LAMA1: variants seen among roughly 807,000 people sequenced by gnomAD.
The protein encoded by LAMA1 is laminin subunit alpha-1.
LAMA1 carries 219 observed loss-of-function variants against 348.7 expected under a neutral mutation model. The ratio of observed to expected loss-of-function variants is 0.63; its 90% CI spans 0.56 to 0.70. The LOEUF (loss-of-function observed/expected upper bound fraction) is 0.70, where lower values mean the gene tolerates loss of function less well. Ranked by LOEUF, LAMA1 falls within the 30% of genes least tolerant of loss-of-function variation. The pLI is 0.00. For synonymous variants in LAMA1, 1,487 were observed against 1,491.0 expected (o/e 1.00, Z 0.06); for missense variants, 3,744 against 3,888.0 (o/e 0.96, Z 0.99).
At chr18:6,950,600 G>C (rs550155740) in intron 58 of LAMA1, among the ~76,000 whole-genome samples, 182 bp downstream of exon 58, 27 of 152,248 alleles carry the variant, frequency 1.8e-4, no homozygotes, top group African/African-American at 6.5e-4. Flanking sequence ...AAGGCCCTGG[G>C]GATATTTCGG....
At chr18:7,077,609 T>C (rs566638754) in intron 3 of LAMA1, among the ~76,000 whole-genome samples, 39 of 152,166 alleles carry the variant, frequency 2.6e-4, no homozygotes, top group African/African-American at 8.9e-4. Flanking sequence ...AAGTCAAGCA[T>C]GACAAATTTC....
At chr18:7,061,017 G>C (rs1329906830) in intron 3 of LAMA1, among the ~76,000 whole-genome samples, 1 of 152,138 alleles carries the variant, frequency 6.6e-6, no homozygotes, top group Non-Finnish European at 1.5e-5. Flanking sequence ...AAATCATGCA[G>C]GCATGGTGGT....
intron 26 of LAMA1, 97 bp downstream of exon 26, chr18:7,010,102 TG>T: frequency 7.2e-7 from 1 of 1,391,826 alleles, no homozygotes; most frequent in Non-Finnish European, 1.0e-6. Flanking sequence ...CCACCGTACC[TG>T]GCTGCTCATT....
chr18:7,089,480 G>A (rs117130629), intron 1 of LAMA1, among the ~76,000 whole-genome samples: 6,654 of 152,288 alleles, frequency 0.044, 240 homozygotes, highest in Admixed American at 0.11. Context: ...CCAGGATCCC[G>A]TGCATCTCAG....
At chr18:6,997,318 C>T (rs1200567402) in intron 33 of LAMA1, among the ~76,000 whole-genome samples, 8 of 152,090 alleles carry the variant, frequency 5.3e-5, no homozygotes, top group East Asian at 1.9e-4. Flanking sequence ...CGCCTTGGCC[C>T]CCCAAAGTGC....
At chr18:7,090,117 A>G (rs766269897) in intron 1 of LAMA1, among the ~76,000 whole-genome samples, 3 of 152,204 alleles carry the variant, frequency 2.0e-5, no homozygotes, top group African/African-American at 4.8e-5. Flanking sequence ...CCTGCCACCA[A>G]ACATGTTCCC....
intron 11 of LAMA1, 150 bp from the exon 12 acceptor site, chr18:7,037,901 C>T (rs2058002709): frequency 2.5e-6 from 2 of 784,516 alleles, no homozygotes; most frequent in Admixed American, 2.0e-5. Flanking sequence ...TGCTGAACCT[C>T]ATGACCCTTG....
At chr18:7,032,919 T>C in intron 15 of LAMA1, 65 bp downstream of exon 15, 1 of 1,185,682 alleles carries the variant, frequency 8.4e-7, no homozygotes, top group Non-Finnish European at 1.2e-6. Flanking sequence ...TGACATCCCC[T>C]TCAGTGCACT....
In LAMA1 at chr18:6,973,209, T is replaced by G; in HGVS notation, c.6624-2A>C. On this transcript the variant is annotated splice_acceptor_variant, in intron 46 of 62. Transcript: ENST00000389658. LOFTEE classifies it high-confidence loss of function. ...CTCAGTGAACCAATGTTTCCAAATC[T>G]AAGGGTTACAAAGAATTGCAAAAGA... 1 of 1,614,068 alleles carries G rather than the reference T, an allele frequency of 6.2e-7. No individual in the cohort carries two copies. The highest frequency in any genetic ancestry group is 8.5e-7 in the Non-Finnish European group (1 of 1,179,952).
intron 3 of LAMA1, among the ~76,000 whole-genome samples, chr18:7,070,969 GA>G (rs1568055064): frequency 1.3e-5 from 2 of 151,562 alleles, no homozygotes; most frequent in Admixed American, 6.6e-5. Flanking sequence ...AAGCATGAAG[GA>G]AGTGTCAATA....
chr18:6,951,892 C>T (rs933494977), intron 57 of LAMA1, among the ~76,000 whole-genome samples: 2 of 152,184 alleles, frequency 1.3e-5, no homozygotes, highest in Non-Finnish European at 2.9e-5. Context: ...ATTGTGCCCG[C>T]GGCAACGGCA....
chr18:6,961,376 G>A (rs1186809028), intron 53 of LAMA1, among the ~76,000 whole-genome samples: 1 of 152,188 alleles, frequency 6.6e-6, no homozygotes, highest in African/African-American at 2.4e-5. Flanking sequence ...TCAGTCACCA[G>A]ACAATGAAGA....
chr18:7,080,527 T>C, intron 1 of LAMA1, 70 bp from the exon 2 acceptor site: 1 of 1,503,386 alleles, frequency 6.7e-7, no homozygotes, highest in Non-Finnish European at 9.2e-7. Context: ...CCCATCCCAC[T>C]TGGTAGGTGA....
At chr18:7,020,371 C>T (rs545226795) in intron 19 of LAMA1, among the ~76,000 whole-genome samples, 19 of 152,268 alleles carry the variant, frequency 1.2e-4, no homozygotes, top group Admixed American at 5.9e-4. Flanking sequence ...TTGAACTATA[C>T]GCGCTTGCTT....
At chr18:7,026,233 A>C in intron 16 of LAMA1, 127 bp from the exon 17 acceptor site, 1 of 1,114,044 alleles carries the variant, frequency 9.0e-7, no homozygotes, top group South Asian at 1.3e-5. Context: ...CCAACCTCTG[A>C]GCTATATGAG....
At chr18:7,057,501 A>C (rs1232126812) in intron 3 of LAMA1, among the ~76,000 whole-genome samples, 1 of 103,994 alleles carries the variant, frequency 9.6e-6, no homozygotes, top group Non-Finnish European at 1.8e-5. Context: ...TTGAGATAGG[A>C]TCTCACTCTA....
intron 19 of LAMA1, among the ~76,000 whole-genome samples, chr18:7,022,618 C>T (rs1568035030): frequency 6.6e-6 from 1 of 152,246 alleles, no homozygotes; most frequent in Non-Finnish European, 1.5e-5. Context: ...GCCAGGTCAT[C>T]TGCTGTGCAG....
intron 53 of LAMA1, 193 bp from the exon 54 acceptor site, chr18:6,959,685 T>C: frequency 4.7e-6 from 3 of 631,976 alleles, no homozygotes; most frequent in Non-Finnish European, 8.4e-6. Flanking sequence ...ATTTATATTC[T>C]GCATTATGCT....
chr18:7,055,453 CAAAAAAAAAAAA>C (rs57670126), intron 3 of LAMA1, among the ~76,000 whole-genome samples: 1 of 61,748 alleles, frequency 1.6e-5, no homozygotes, highest in African/African-American at 5.7e-5. Flanking sequence ...AACTCCGTCT[CAAAAAAAAAAAA>C]AAAAAAAAAA....
Sources: allele counts gnomAD v4.1 joint callset (sites outside exome capture counted in the v4.1 genomes callset), GRCh38; gene constraint gnomAD v4.1.1; transcripts MANE v1.5; gene names NCBI Gene and HGNC (gene_info 2026-07-23, HGNC 2026-07-21).